Variants in DGKH observed in about 807,000 individuals in gnomAD.
DGKH encodes diacylglycerol kinase eta.
Under a neutral mutation model 159.3 loss-of-function variants are expected in DGKH, and 90 were observed. The observed-to-expected ratio is 0.57, with a 90% CI of 0.48 to 0.67. DGKH has a LOEUF of 0.67. DGKH is among the 30% of genes least tolerant of loss of function. The pLI is 0.00. For synonymous variants in DGKH, 536 were observed against 553.8 expected (o/e 0.97, Z 0.45); for missense variants, 1,181 against 1,506.1 (o/e 0.78, Z 3.57).
intron 1 of DGKH, among the ~76,000 whole-genome samples, chr13:42,059,658 A>G (rs1882002147): frequency 2.0e-5 from 3 of 152,296 alleles, no homozygotes; most frequent in South Asian, 2.1e-4. Flanking sequence ...GGCCTGTTCT[A>G]TTTAATCTTG....
At chr13:42,146,531 G>C (rs1020452768) in intron 3 of DGKH, among the ~76,000 whole-genome samples, 3 of 152,184 alleles carry the variant, frequency 2.0e-5, no homozygotes, top group Admixed American at 6.5e-5. Flanking sequence ...TTAGAGACCC[G>C]TTGGAGTAGA....
At position 42,156,060 on chromosome 13, in the gene DGKH, T is replaced by A. The variant is rs1375579826; in HGVS notation, c.622+261T>A. Among the ~76,000 whole-genome samples the A allele has an allele frequency of 4.6e-5, 7 of 152,214 alleles. No individual in the cohort carries two copies. In the South Asian group the frequency reaches 1.5e-3, roughly 32 times the overall value. ...ATAATCATTCTGGTATTCTTTATTC[T>A]GGTTGATTATGGAGAGCAAAACTTT... On this transcript the variant is annotated intron_variant, in intron 5 of 29. Coordinates refer to ENST00000337343, the MANE Select transcript of DGKH (RefSeq NM_178009.5).
intron 1 of DGKH, among the ~76,000 whole-genome samples, chr13:42,107,230 C>T (rs1394861328): frequency 3.3e-5 from 5 of 152,204 alleles, no homozygotes; most frequent in Admixed American, 3.3e-4. Context: ...AGGAAAGGTC[C>T]AGGGCGGGGG....
chr13:42,099,185 G>A (rs1954605405), intron 1 of DGKH, among the ~76,000 whole-genome samples: 1 of 152,050 alleles, frequency 6.6e-6, no homozygotes, highest in African/African-American at 2.4e-5. Context: ...GGCGCTTTCC[G>A]GCTGATTTCA....
rs148346229 is a variant in DGKH at position 42,091,484 on chromosome 13, A to T, written c.193-35979A>T. Among the ~76,000 whole-genome samples, 1,278 of 152,260 alleles carry T rather than the reference A, an allele frequency of 8.4e-3. 17 individuals are homozygous for T. The highest frequency in any genetic ancestry group is 0.028 in the African/African-American group (1,180 of 41,552). On this transcript the variant is annotated intron_variant, in intron 1 of 29. Transcript: ENST00000337343. ...CAACAAAAATACAAACAACCCAATT[A>T]AAAAAATGGGCAAAGGACTTGAATA... is the stretch of plus-strand genomic sequence containing the variant.
chr13:42,101,641 T>C (rs1340978265), intron 1 of DGKH, among the ~76,000 whole-genome samples: 1 of 152,096 alleles, frequency 6.6e-6, no homozygotes, highest in East Asian at 1.9e-4. Flanking sequence ...TTACAGATGG[T>C]CCAGAAGGAA....
At chr13:42,148,581 T>C (rs1396789864) in intron 3 of DGKH, among the ~76,000 whole-genome samples, 1 of 152,192 alleles carries the variant, frequency 6.6e-6, no homozygotes, top group African/African-American at 2.4e-5. Flanking sequence ...GTGGACCATC[T>C]ACACTGCTGC....
chr13:42,135,718 C>T (rs1360642966), intron 3 of DGKH, among the ~76,000 whole-genome samples: 3 of 151,918 alleles, frequency 2.0e-5, no homozygotes, highest in Admixed American at 2.0e-4. Flanking sequence ...GAATGTATTC[C>T]TCCCAGATGA....
At chr13:42,070,795 TCCGTAAGAGAGC>T in intron 1 of DGKH, 1 of 1,501,786 alleles carries the variant, frequency 6.7e-7, no homozygotes, top group Non-Finnish European at 9.2e-7. Flanking sequence ...ACTGTTTAGT[TCCGTAAGAGAGC>T]CCACATCATC....
At chr13:42,224,221 A>G (rs1347411247) in intron 29 of DGKH, among the ~76,000 whole-genome samples, 1 of 152,156 alleles carries the variant, frequency 6.6e-6, no homozygotes. Flanking sequence ...TTGAGCTCCT[A>G]TTGCACTCCT....
chr13:42,053,565 T>TAA, intron 1 of DGKH, among the ~76,000 whole-genome samples: 1 of 143,366 alleles, frequency 7.0e-6, no homozygotes, highest in East Asian at 2.0e-4. Context: ...TGTATATATA[T>TAA]AACTATATAT....
At chr13:42,254,314 G>A (rs572359436) in intron 30 of DGKH, among the ~76,000 whole-genome samples, 1 of 152,196 alleles carries the variant, frequency 6.6e-6, no homozygotes, top group East Asian at 1.9e-4. Flanking sequence ...TTATTTTGTG[G>A]GATACAAAGC....
chr13:42,254,083 C>T (rs544755106), intron 30 of DGKH, among the ~76,000 whole-genome samples: 3 of 151,744 alleles, frequency 2.0e-5, no homozygotes, highest in Non-Finnish European at 4.4e-5. Flanking sequence ...ATTGGTGTAG[C>T]ATTTTGGGGA....
intron 18 of DGKH, among the ~76,000 whole-genome samples, chr13:42,199,276 G>T (rs970868608): frequency 6.6e-6 from 1 of 152,162 alleles, no homozygotes; most frequent in Admixed American, 6.5e-5. Flanking sequence ...TTTTTTCTGT[G>T]TAGTGAGGAA....
intron 17 of DGKH, among the ~76,000 whole-genome samples, chr13:42,196,152 A>C (rs1360008387): frequency 6.6e-6 from 1 of 152,230 alleles, no homozygotes; most frequent in African/African-American, 2.4e-5. Context: ...AGATGATAAC[A>C]AATATTGGCA....
rs1246607379 is a variant in DGKH, at chr13:42,199,913, A to G, written c.2493+4A>G. On this transcript the variant is annotated splice_donor_region_variant and intron_variant, in intron 20 of 29. Transcript: ENST00000337343. Reference sequence around the variant, plus strand: ...AGAACAAAGGGTTCAACTTGAGGTAAGTTCATCTTAAAGTAAAGATATTTC... The same window carrying G: ...AGAACAAAGGGTTCAACTTGAGGTAGGTTCATCTTAAAGTAAAGATATTTC... 3 of 1,595,216 alleles carry G rather than the reference A, an allele frequency of 1.9e-6. No homozygotes were observed. The highest frequency in any genetic ancestry group is 1.7e-6 in the Non-Finnish European group (2 of 1,173,710).
chr13:42,046,899 T>C (rs1880823915), upstream of DGKH, among the ~76,000 whole-genome samples: 1 of 152,240 alleles, frequency 6.6e-6, no homozygotes, highest in Non-Finnish European at 1.5e-5. Context: ...CTAAGTTTAT[T>C]CTTTCAAAAG....
At chr13:42,110,920 G>A (rs533251022) in intron 1 of DGKH, among the ~76,000 whole-genome samples, 2 of 152,304 alleles carry the variant, frequency 1.3e-5, no homozygotes, top group South Asian at 2.1e-4. Context: ...GGGGGAGGAA[G>A]AGCATTAGGA....
chr13:42,117,562 C>CT (rs895736561), intron 1 of DGKH, among the ~76,000 whole-genome samples: 8 of 151,918 alleles, frequency 5.3e-5, no homozygotes, highest in Non-Finnish European at 8.8e-5. Context: ...TTTTCCTTTT[C>CT]TTTTTTTTCT....
Sources: allele counts gnomAD v4.1 joint callset (sites outside exome capture counted in the v4.1 genomes callset), GRCh38; gene constraint gnomAD v4.1.1; transcripts MANE v1.5; gene names NCBI Gene and HGNC (gene_info 2026-07-23, HGNC 2026-07-21).